GDPD4: variants seen among roughly 807,000 people sequenced by gnomAD.
GDPD4 encodes glycerophosphodiester phosphodiesterase 6.
A neutral mutation model predicts 67.8 loss-of-function variants in GDPD4; 60 were observed. The observed-to-expected ratio is 0.88, with a 90% CI of 0.72 to 1.10. The LOEUF (loss-of-function observed/expected upper bound fraction) is 1.10. Among genes scored for constraint, GDPD4 ranks in the 50% least tolerant of loss-of-function variants. GDPD4 has a pLI of 0.00. For synonymous variants in GDPD4, 212 were observed against 210.9 expected, an observed-to-expected ratio of 1.00 and a Z score of -0.04; for missense variants, 623 against 613.9, an observed-to-expected ratio of 1.01 and a Z score of -0.16.
Position 77,258,411 on chromosome 11 carries a change from G to A in GDPD4, c.839C>T (p.Ala280Val). Reference protein sequence around the residue: ...FNWDFLSTLNAGKWFVKPELR... With the variant: ...FNWDFLSTLNVGKWFVKPELR... ...CTCTGGTTTTACAAACCATTTGCCT[G>A]CATTCAGAGTCGATAGGAAATCCCA... Residue 280 changes from alanine (A) to valine (V), a missense_variant, in exon 11 of 17, where the codon GCA (alanine) becomes GTA (valine). Coordinates refer to ENST00000315938, the MANE Select transcript of GDPD4 (RefSeq NM_182833.3). 1 of 1,614,102 alleles carries A rather than the reference G, an allele frequency of 6.2e-7. No individual in the cohort carries two copies. Among genetic ancestry groups the A allele is most frequent in the African/African-American group, 1.3e-5 (1 of 75,032 alleles).
intron 10 of GDPD4, 48 bp from the exon 11 acceptor site, chr11:77,258,590 A>G: frequency 6.3e-7 from 1 of 1,589,988 alleles, no homozygotes; most frequent in African/African-American, 1.3e-5. Flanking sequence ...GGCTGAATTT[A>G]GCTACCTTGG....
chr11:77,279,111 TTCCTTCCACG>T (rs1312428737), intron 4 of GDPD4, among the ~76,000 whole-genome samples, 185 bp downstream of exon 4: 2 of 152,178 alleles, frequency 1.3e-5, no homozygotes, highest in South Asian at 2.1e-4. Flanking sequence ...AGAACAGGCT[TTCCTTCCACG>T]TCCTTCCACG....
At chr11:77,268,615 G>A in intron 9 of GDPD4, 76 bp from the exon 10 acceptor site, 1 of 1,170,528 alleles carries the variant, frequency 8.5e-7, no homozygotes. Context: ...TAGGGGTAGA[G>A]CCCAGTAGGA....
chr11:77,284,884 G>A (rs1372687232), intron 3 of GDPD4, among the ~76,000 whole-genome samples: 2 of 152,166 alleles, frequency 1.3e-5, no homozygotes, highest in Non-Finnish European at 2.9e-5. Flanking sequence ...TGAGCACAGT[G>A]GAAGAAAGTA....
intron 10 of GDPD4, among the ~76,000 whole-genome samples, chr11:77,261,983 CTTG>C (rs1454387332): frequency 1.3e-5 from 2 of 152,204 alleles, no homozygotes; most frequent in African/African-American, 2.4e-5. Flanking sequence ...GCTAATACCA[CTTG>C]TTGTGAATAG....
intron 16 of GDPD4, among the ~76,000 whole-genome samples, chr11:77,220,115 G>A (rs1489135948): frequency 2.0e-5 from 3 of 152,136 alleles, no homozygotes; most frequent in South Asian, 2.1e-4. Flanking sequence ...GGGCTGAGAC[G>A]ATGGGGTTTT....
chr11:77,227,742 A>AGC, intron 16 of GDPD4, 122 bp downstream of exon 16: 1 of 624,132 alleles, frequency 1.6e-6, no homozygotes, highest in Non-Finnish European at 3.0e-6. Flanking sequence ...CCCTCCCCCA[A>AGC]CCCCACCCCC....
chr11:77,265,890 T>G (rs1959175905), intron 10 of GDPD4, among the ~76,000 whole-genome samples: 2 of 152,178 alleles, frequency 1.3e-5, no homozygotes, highest in African/African-American at 2.4e-5. Flanking sequence ...GAATGTGATC[T>G]TCAAATGGAA....
Position 77,276,321 on chromosome 11 carries a change from T to C in GDPD4, c.148-101A>G, listed in dbSNP as rs1959466900. 4.1e-5 allele frequency: 35 copies of C among 861,342 alleles called. 1 individual carries two copies. In the South Asian group the frequency reaches 4.6e-4, roughly 11 times the overall value. The allele number at this position is 861,342 out of a possible 1,614,324, so 53.4% of individuals were successfully genotyped here. ...CCAAATTCCGTTCACAGTCTAGCAG[T>C]ACACTCATTTCTTGCTATACCTGTA... On this transcript the variant is annotated intron_variant, in intron 4 of 16. Coordinates refer to ENST00000315938, the MANE Select transcript of GDPD4 (RefSeq NM_182833.3).
intron 3 of GDPD4, 75 bp downstream of exon 3, chr11:77,285,010 G>C: frequency 9.4e-7 from 1 of 1,066,782 alleles, no homozygotes; most frequent in South Asian, 1.3e-5. Context: ...GATCTTTTCA[G>C]CCTGAGGTAG....
In GDPD4 at chr11:77,268,991, G is replaced by A. The variant is rs769819089; in HGVS notation, c.557C>T (p.Pro186Leu). Reference protein sequence around the residue: ...LYLMPLGIYSPCIQEKENLGP... With the variant: ...LYLMPLGIYSLCIQEKENLGP... The stretch of plus-strand genomic sequence containing the variant: ...CAAATTCTCCTTCTCCTGAATGCAG[G>A]GAGAATAAATCCCCAGTGGCATCAA... Residue 186 changes from proline to leucine, a missense_variant, in exon 9 of 17, where the codon CCC becomes CTC. By Grantham distance (98) the Pro-to-Leu change is moderately conservative. Transcript: ENST00000315938. The A allele has an allele frequency of 1.2e-6, 2 of 1,613,752 alleles. No homozygotes were observed. The highest frequency in any genetic ancestry group is 1.3e-5 in the African/African-American group (1 of 74,886).
At chr11:77,233,357 T>TTAG (rs765799522) in intron 13 of GDPD4, among the ~76,000 whole-genome samples, 185 bp from the exon 14 acceptor site, 13 of 150,370 alleles carry the variant, frequency 8.6e-5, no homozygotes, top group Non-Finnish European at 1.8e-4. Flanking sequence ...AGGATTGGAT[T>TTAG]TAGCACCTCT....
intron 16 of GDPD4, among the ~76,000 whole-genome samples, chr11:77,224,771 G>T (rs1305501803): frequency 1.3e-5 from 2 of 152,096 alleles, no homozygotes; most frequent in Non-Finnish European, 2.9e-5. Flanking sequence ...GTGTTAAGCT[G>T]CTAGGTTTGG....
At chr11:77,226,855 A>C (rs1958349605) in intron 16 of GDPD4, among the ~76,000 whole-genome samples, 1 of 152,124 alleles carries the variant, frequency 6.6e-6, no homozygotes. Flanking sequence ...CCTTCTATTT[A>C]ATTTATTCAA....
intron 16 of GDPD4, among the ~76,000 whole-genome samples, chr11:77,218,484 C>T (rs1958167955): frequency 1.3e-5 from 2 of 152,242 alleles, no homozygotes; most frequent in South Asian, 4.2e-4. Context: ...TGGTTTGCTG[C>T]ACCCATCAAC....
Position 77,258,333 on chromosome 11 carries a change from G to C in GDPD4, c.864+53C>G. 4 of 1,537,070 alleles carry C rather than the reference G, an allele frequency of 2.6e-6. No homozygotes were observed. The South Asian group carries it at 3.4e-5, about 13-fold the overall frequency. On this transcript the variant is annotated intron_variant, in intron 11 of 16. Coordinates refer to ENST00000315938, the MANE Select transcript of GDPD4 (RefSeq NM_182833.3). ...GCCTTTATTTTCAGGAGCAGCACAT[G>C]ATCTCTTACAAAAATTCAATGCAGG...
chr11:77,298,640 T>TA (rs1938059537), intron 1 of GDPD4, among the ~76,000 whole-genome samples: 1 of 152,196 alleles, frequency 6.6e-6, no homozygotes, highest in Non-Finnish European at 1.5e-5. Context: ...TGGCTGCTCT[T>TA]AGAGACAATA....
chr11:77,293,607 T>A (rs540504413), intron 1 of GDPD4, among the ~76,000 whole-genome samples: 1 of 136,706 alleles, frequency 7.3e-6, no homozygotes, highest in Non-Finnish European at 1.6e-5. Flanking sequence ...AAAAAAAAAA[T>A]CAATAAACTT....
chr11:77,244,160 C>T (rs537976383), intron 12 of GDPD4, among the ~76,000 whole-genome samples: 5 of 152,286 alleles, frequency 3.3e-5, no homozygotes, highest in East Asian at 3.9e-4. Flanking sequence ...GGACTACAGG[C>T]GCCCGCTACC....
Sources: allele counts gnomAD v4.1 joint callset (sites outside exome capture counted in the v4.1 genomes callset), GRCh38; gene constraint gnomAD v4.1.1; transcripts MANE v1.5; gene names NCBI Gene and HGNC (gene_info 2026-07-23, HGNC 2026-07-21).